The following LEF1 variants were observed in gnomAD, a reference collection of about 807,000 sequenced individuals.
The protein encoded by LEF1 is lymphoid enhancer-binding factor 1.
A neutral mutation model predicts 51.2 loss-of-function variants in LEF1; 14 were observed. That is an observed-to-expected ratio of 0.27 (90% CI 0.18 to 0.43). The LOEUF is 0.43. LEF1 is among the 20% of genes least tolerant of loss of function. The pLI, the probability that LEF1 is intolerant of heterozygous loss-of-function variation, is 1.00. For missense variants in LEF1, 386 were observed against 512.0 expected (o/e 0.75, Z 2.37); for synonymous variants, 185 against 183.2 (o/e 1.01, Z -0.08).
intron 3 of LEF1, among the ~76,000 whole-genome samples, chr4:108,140,928 C>T (rs1409351096): frequency 6.6e-6 from 1 of 152,172 alleles, no homozygotes; most frequent in Non-Finnish European, 1.5e-5. Context: ...AAAATCATTT[C>T]CCCAAAAAGC....
intron 3 of LEF1, among the ~76,000 whole-genome samples, chr4:108,136,574 A>C (rs1036778082): frequency 6.6e-6 from 1 of 151,992 alleles, no homozygotes; most frequent in Admixed American, 6.6e-5. Flanking sequence ...ACATATGATC[A>C]AATGCCAGAA....
At chr4:108,064,435 C>T (rs1560761502) in intron 9 of LEF1, 51 bp from the exon 10 acceptor site, 2 of 1,375,868 alleles carry the variant, frequency 1.5e-6, no homozygotes, top group Admixed American at 1.7e-5. Context: ...CATGAACACA[C>T]AGATGAATGT....
At chr4:108,065,410 G>A (rs1055210551) in intron 9 of LEF1, among the ~76,000 whole-genome samples, 5 of 152,208 alleles carry the variant, frequency 3.3e-5, no homozygotes, top group South Asian at 2.1e-4. Flanking sequence ...ACTTGAACCC[G>A]GAGGCAGAGG....
intron 3 of LEF1, among the ~76,000 whole-genome samples, chr4:108,129,726 G>A (rs898631284): frequency 6.6e-6 from 1 of 152,150 alleles, no homozygotes; most frequent in South Asian, 2.1e-4. Context: ...TTAATAAAAA[G>A]GTCATACCTT....
At chr4:108,163,451 C>A in intron 3 of LEF1, 117 bp downstream of exon 3, 1 of 1,085,872 alleles carries the variant, frequency 9.2e-7, no homozygotes, top group Non-Finnish European at 1.3e-6. Flanking sequence ...TATTTAGCAA[C>A]GACTAGTTAT....
intron 3 of LEF1, among the ~76,000 whole-genome samples, chr4:108,130,729 C>CAA (rs567555795): frequency 1.2e-3 from 122 of 99,060 alleles, no homozygotes; most frequent in Middle Eastern, 9.6e-3. Flanking sequence ...GACTCCGACT[C>CAA]AAAAAAAAAA....
At chr4:108,052,158 G>A (rs1737040551) in intron 11 of LEF1, among the ~76,000 whole-genome samples, 1 of 152,174 alleles carries the variant, frequency 6.6e-6, no homozygotes, top group African/African-American at 2.4e-5. Flanking sequence ...CTGTCAGGGT[G>A]CCACTCAGGG....
intron 9 of LEF1, 103 bp downstream of exon 9, chr4:108,070,560 A>T: frequency 1.6e-6 from 1 of 634,012 alleles, no homozygotes; most frequent in Middle Eastern, 2.6e-4. Flanking sequence ...TCCAAAAAAT[A>T]AGTAGTACCA....
At position 108,162,522 on chromosome 4, in the gene LEF1, C is replaced by T. The variant is rs1174136310; in HGVS notation, c.414+1046G>A. Among the ~76,000 whole-genome samples the T allele has an allele frequency of 2.0e-5, 3 of 152,200 alleles. No homozygotes were observed. The South Asian group carries it at 6.2e-4, about 32-fold the overall frequency. On this transcript the variant is annotated intron_variant, in intron 3 of 11. Transcript: ENST00000265165. Reference sequence around the variant, plus strand: ...TCACTAAGGTATTAACAACGTTACTCTTCCCAGATGTTTGTGACTGATTTT... The same window carrying T: ...TCACTAAGGTATTAACAACGTTACTTTTCCCAGATGTTTGTGACTGATTTT...
At chr4:108,101,493 G>A (rs1740819639) in intron 3 of LEF1, among the ~76,000 whole-genome samples, 1 of 152,154 alleles carries the variant, frequency 6.6e-6, no homozygotes, top group Non-Finnish European at 1.5e-5. Flanking sequence ...CAGGAAGAGG[G>A]GTAAAGAAGT....
rs1182620272 is a variant in LEF1, at chr4:108,114,611, C to T, written c.415-25354G>A. ...TAGATGTGGACGTTTAAGTGTGGTG[C>T]ATATGAGCAGACAAACTCTGCGAGC... On this transcript the variant is annotated intron_variant, in intron 3 of 11. Coordinates refer to ENST00000265165, the MANE Select transcript of LEF1 (RefSeq NM_016269.5). 3.9e-5 allele frequency among the ~76,000 whole-genome samples: 6 copies of T among 152,276 alleles called. No homozygotes were observed. In the South Asian group the frequency reaches 1.0e-3, roughly 26 times the overall value.
At chr4:108,158,009 C>T (rs77176747) in intron 3 of LEF1, among the ~76,000 whole-genome samples, 3,804 of 152,200 alleles carry the variant, frequency 0.025, 150 homozygotes, top group African/African-American at 0.086. Context: ...CTCAACTCCC[C>T]GCTCTTCACT....
intron 3 of LEF1, among the ~76,000 whole-genome samples, chr4:108,105,080 C>T (rs1403483611): frequency 2.6e-5 from 4 of 151,906 alleles, no homozygotes; most frequent in African/African-American, 4.8e-5. Flanking sequence ...AACCTGGAAA[C>T]GATACATATT....
At chr4:108,133,098 C>G (rs1033501896) in intron 3 of LEF1, among the ~76,000 whole-genome samples, 4 of 152,076 alleles carry the variant, frequency 2.6e-5, no homozygotes, top group African/African-American at 9.7e-5. Context: ...CTCAGCCTCC[C>G]GAGTAGCTGG....
chr4:108,083,764 T>C (rs1739468210), intron 4 of LEF1, among the ~76,000 whole-genome samples: 1 of 152,180 alleles, frequency 6.6e-6, no homozygotes, highest in African/African-American at 2.4e-5. Context: ...TGGTAGACAA[T>C]TGTTTTATAT....
At chr4:108,090,304 A>G (rs1351188429) in intron 3 of LEF1, among the ~76,000 whole-genome samples, 1 of 152,136 alleles carries the variant, frequency 6.6e-6, no homozygotes, top group Non-Finnish European at 1.5e-5. Flanking sequence ...AATATTTTTA[A>G]TTGTTAAAAT....
At chr4:108,166,763 T>A (rs540645776) in intron 1 of LEF1, 41 of 987,868 alleles carry the variant, frequency 4.2e-5, no homozygotes, top group Non-Finnish European at 4.7e-5. Flanking sequence ...CTGCGTAGAT[T>A]TAAGGCCTGA....
At chr4:108,156,756 T>C (rs1484113386) in intron 3 of LEF1, among the ~76,000 whole-genome samples, 1 of 152,076 alleles carries the variant, frequency 6.6e-6, no homozygotes, top group Non-Finnish European at 1.5e-5. Context: ...TATAAAAATA[T>C]CTTAGTAAAA....
At chr4:108,165,401 C>G in intron 1 of LEF1, 1 of 504,708 alleles carries the variant, frequency 2.0e-6, no homozygotes. Context: ...ATAACAAAAC[C>G]AATAAAAATA....
Sources: gnomAD v4.1 joint callset for allele counts (sites outside exome capture counted in the v4.1 genomes callset) on GRCh38, gnomAD v4.1.1 for gene constraint, MANE v1.5 for transcripts, NCBI Gene and HGNC (gene_info 2026-07-23, HGNC 2026-07-21) for gene names.